The following PPM1H variants were observed in gnomAD, a reference collection of about 807,000 sequenced individuals.
The protein encoded by PPM1H is protein phosphatase 1H.
In PPM1H, 27 loss-of-function variants were observed where a neutral mutation model predicts 54.9. The observed-to-expected ratio is 0.49, with a 90% CI of 0.36 to 0.68. PPM1H has a LOEUF of 0.68. Among genes scored for constraint, PPM1H ranks in the 30% least tolerant of loss-of-function variants. PPM1H has a pLI of 0.00. For missense variants in PPM1H, 596 were observed against 667.8 expected (o/e 0.89, Z 1.19); for synonymous variants, 305 against 270.8 (o/e 1.13, Z -1.24).
intron 1 of PPM1H, among the ~76,000 whole-genome samples, chr12:62,882,533 C>T (rs1870433692): frequency 1.3e-5 from 2 of 152,196 alleles, no homozygotes; most frequent in Non-Finnish European, 2.9e-5. Flanking sequence ...AGACGCAGCC[C>T]AAGAGTCCTT....
chr12:62,657,890 G>GTGAA (rs2075854117), intron 9 of PPM1H, among the ~76,000 whole-genome samples: 1 of 152,162 alleles, frequency 6.6e-6, no homozygotes, highest in African/African-American at 2.4e-5. Context: ...GAGCATGGAT[G>GTGAA]TGAAGACTGA....
intron 3 of PPM1H, among the ~76,000 whole-genome samples, chr12:62,795,789 T>C (rs1480065713): frequency 6.6e-6 from 1 of 151,562 alleles, no homozygotes; most frequent in Non-Finnish European, 1.5e-5. Flanking sequence ...TGCAGTGGTG[T>C]GATCTCGGCT....
At chr12:62,702,476 C>T (rs1050558048) in intron 6 of PPM1H, among the ~76,000 whole-genome samples, 5 of 151,782 alleles carry the variant, frequency 3.3e-5, no homozygotes, top group Non-Finnish European at 7.4e-5. Context: ...AGAGTTCACA[C>T]TTTGGCATCA....
intron 1 of PPM1H, among the ~76,000 whole-genome samples, chr12:62,898,118 T>C (rs1871052425): frequency 6.6e-6 from 1 of 152,170 alleles, no homozygotes; most frequent in South Asian, 2.1e-4. Context: ...CTATAGCACA[T>C]AATCATCCTT....
chr12:62,805,022 A>G (rs888004979), intron 2 of PPM1H, among the ~76,000 whole-genome samples: 11 of 152,148 alleles, frequency 7.2e-5, no homozygotes, highest in African/African-American at 2.4e-4. Context: ...CTTTTTAAAA[A>G]TCTTTTTGTT....
chr12:62,815,803 A>G (rs2076863050), intron 2 of PPM1H, among the ~76,000 whole-genome samples: 1 of 152,208 alleles, frequency 6.6e-6, no homozygotes, highest in Admixed American at 6.5e-5. Context: ...TAAGGGGCAG[A>G]GGCAGGATTC....
At chr12:62,895,357 T>A (rs551008566) in intron 1 of PPM1H, among the ~76,000 whole-genome samples, 1 of 152,336 alleles carries the variant, frequency 6.6e-6, no homozygotes, top group South Asian at 2.1e-4. Flanking sequence ...TGACCCTAAA[T>A]GGACAAGTTC....
At chr12:62,762,070 A>C (rs952583946) in intron 4 of PPM1H, among the ~76,000 whole-genome samples, 2 of 152,182 alleles carry the variant, frequency 1.3e-5, no homozygotes, top group Non-Finnish European at 2.9e-5. Flanking sequence ...TGTGCCAACA[A>C]CTTGGGAGTC....
chr12:62,781,330 G>GC (rs934920671), intron 4 of PPM1H, among the ~76,000 whole-genome samples: 2 of 152,184 alleles, frequency 1.3e-5, no homozygotes, highest in African/African-American at 4.8e-5. Context: ...CAGGCAGGTC[G>GC]CCCCCGCCCC....
intron 5 of PPM1H, among the ~76,000 whole-genome samples, chr12:62,734,948 G>A (rs1281368339): frequency 6.6e-6 from 1 of 152,158 alleles, no homozygotes. Context: ...AGAGGCTGAG[G>A]TAGGAGGATT....
At position 62,803,335 on chromosome 12, in the gene PPM1H, A is replaced by C. The variant is rs921527456; in HGVS notation, c.412-1175T>G. Among the ~76,000 whole-genome samples, 3 of 152,188 alleles carry C rather than the reference A, an allele frequency of 2.0e-5. No individual in the cohort carries two copies. The East Asian group carries it at 5.8e-4, about 29-fold the overall frequency. On this transcript the variant is annotated intron_variant, in intron 2 of 9. Transcript: ENST00000228705. ...GAATTACACACGTGTTAGATCTTAG[A>C]GAAAAGGAGCTCAATTATGACATAG... is the stretch of plus-strand genomic sequence containing the variant.
chr12:62,756,852 G>A (rs2076479574), intron 4 of PPM1H, among the ~76,000 whole-genome samples: 1 of 152,028 alleles, frequency 6.6e-6, no homozygotes. Flanking sequence ...ATCTAACCAG[G>A]AACCAGTTGG....
rs759093804 is a variant in PPM1H, at chr12:62,832,146, T to G, written c.379A>C (p.Asn127His). The change falls in exon 2 of 10, where the codon AAT becomes CAT. Residue 127 changes from asparagine (N) to histidine (H), a missense_variant. Around this residue, in one of 3 missense-constraint regions of PPM1H, gnomAD observed 382 missense variants for 387.1 expected, o/e 0.99. Transcript: ENST00000228705. Reference protein sequence around the residue: ...NSSKRRSSLPNGEGLQLKENS... With the variant: ...NSSKRRSSLPHGEGLQLKENS... The stretch of plus-strand genomic sequence containing the variant: ...TCCTTCAGCTGCAGCCCTTCCCCAT[T>G]GGGAAGGGAGGACCGTCTCTTGGAT... The G allele has an allele frequency of 4.3e-6, 7 of 1,613,460 alleles. No homozygotes were observed. Among genetic ancestry groups the G allele is most frequent in the Non-Finnish European group, 5.9e-6 (7 of 1,179,580 alleles).
rs1334258581 is a variant in PPM1H at position 62,645,070 on chromosome 12, A to C, written c.*3419T>G. On this transcript the variant is annotated 3_prime_UTR_variant, in exon 10 of 10. Transcript: ENST00000228705. ...TTATAAAGTTGATTGGCAGGTGAGG[A>C]AGGGGATCTCAAGAGGAGAATCCGA... The C allele has an allele frequency of 6.6e-6, 1 of 152,252 alleles. No homozygotes were observed. Among genetic ancestry groups the C allele is most frequent in the African/African-American group, 2.4e-5 (1 of 41,480 alleles). 9.4% of individuals were successfully genotyped at this position (152,252 alleles called of 1,614,324 possible).
At chr12:62,714,135 T>C (rs1175418642) in intron 6 of PPM1H, among the ~76,000 whole-genome samples, 4 of 152,156 alleles carry the variant, frequency 2.6e-5, no homozygotes, top group Non-Finnish European at 5.9e-5. Context: ...AGACGTTCTA[T>C]ATCTGCATGG....
At chr12:62,856,904 A>G (rs1471302257) in intron 1 of PPM1H, among the ~76,000 whole-genome samples, 1 of 152,130 alleles carries the variant, frequency 6.6e-6, no homozygotes, top group African/African-American at 2.4e-5. Flanking sequence ...AGGGTACCAG[A>G]CACTTGGCAT....
At chr12:62,663,578 C>T (rs1420678631) in intron 9 of PPM1H, among the ~76,000 whole-genome samples, 1 of 152,162 alleles carries the variant, frequency 6.6e-6, no homozygotes, top group Middle Eastern at 3.2e-3. Context: ...AGGGTACAGA[C>T]CTAAGAGTAG....
At chr12:62,689,840 G>A (rs779369270) in intron 7 of PPM1H, 34 bp from the exon 8 acceptor site, 20 of 1,463,308 alleles carry the variant, frequency 1.4e-5, no homozygotes, top group East Asian at 4.6e-5. Context: ...TCAGAAACAC[G>A]CACACAGTGA....
chr12:62,759,880 T>G (rs2120606565), intron 4 of PPM1H, among the ~76,000 whole-genome samples: 1 of 151,924 alleles, frequency 6.6e-6, no homozygotes, highest in Non-Finnish European at 1.5e-5. Flanking sequence ...TCCACTTTCC[T>G]GGGGGGCAAG....
Sources: gnomAD v4.1 joint callset for allele counts (sites outside exome capture counted in the v4.1 genomes callset) on GRCh38, gnomAD v4.1.1 for gene constraint, gnomAD v4.1.1 regional missense constraint, MANE v1.5 for transcripts, NCBI Gene and HGNC (gene_info 2026-07-23, HGNC 2026-07-21) for gene names.